Variants in KLF12 observed in about 807,000 individuals in gnomAD.
KLF12 encodes the protein KLF transcription factor 12.
KLF12 carries 9 observed loss-of-function variants against 37.8 expected under a neutral mutation model. The ratio of observed to expected loss-of-function variants is 0.24; its 90% CI spans 0.14 to 0.42. The LOEUF (loss-of-function observed/expected upper bound fraction) is 0.42. Among genes scored for constraint, KLF12 ranks in the 10% least tolerant of loss-of-function variants. KLF12 has a pLI of 1.00. For synonymous variants in KLF12, 208 were observed against 202.1 expected, an observed-to-expected ratio of 1.03 and a Z score of -0.25; for missense variants, 411 against 516.0, an observed-to-expected ratio of 0.80 and a Z score of 1.97.
chr13:73,952,254 T>G (rs538694419), intron 2 of KLF12, among the ~76,000 whole-genome samples: 33 of 152,332 alleles, frequency 2.2e-4, no homozygotes, highest in African/African-American at 7.9e-4. Context: ...GAGGTTTAAC[T>G]GACTCACAGT....
chr13:74,210,221 A>G, the KLF12 span, among the ~76,000 whole-genome samples: 37 of 152,286 alleles, frequency 2.4e-4, no homozygotes, highest in Middle Eastern at 3.4e-3. Flanking sequence ...ATTCTCTAGG[A>G]ATCCAGAAAT....
At chr13:73,902,911 G>T (rs1888102028) in intron 3 of KLF12, among the ~76,000 whole-genome samples, 2 of 152,206 alleles carry the variant, frequency 1.3e-5, no homozygotes, top group South Asian at 4.1e-4. Flanking sequence ...ACATGACCCT[G>T]AGTTATTTGG....
chr13:74,291,227 A>C, the KLF12 span, among the ~76,000 whole-genome samples: 1 of 152,222 alleles, frequency 6.6e-6, no homozygotes, highest in African/African-American at 2.4e-5. Context: ...TTTTCTGAGG[A>C]AATGCCTATA....
At chr13:73,803,464 A>T (rs930703230) in intron 5 of KLF12, among the ~76,000 whole-genome samples, 1 of 152,058 alleles carries the variant, frequency 6.6e-6, no homozygotes, top group African/African-American at 2.4e-5. Flanking sequence ...ATGAAATAGT[A>T]AACCCTGCCT....
the KLF12 span, among the ~76,000 whole-genome samples, chr13:74,200,649 T>A: frequency 1.3e-4 from 20 of 152,106 alleles, no homozygotes; most frequent in African/African-American, 4.8e-4. Context: ...AAAAAGGGGA[T>A]CTCTTCACGT....
intron 3 of KLF12, among the ~76,000 whole-genome samples, chr13:73,878,617 G>C (rs1382064627): frequency 6.6e-6 from 1 of 152,142 alleles, no homozygotes; most frequent in Non-Finnish European, 1.5e-5. Context: ...AGTGACATAA[G>C]ATATAATTTC....
intron 2 of KLF12, chr13:73,962,095 T>C (rs930847634): frequency 6.8e-5 from 30 of 441,408 alleles, no homozygotes; most frequent in African/African-American, 4.7e-4. Context: ...ATTAGGTGAA[T>C]GGATAAACTG....
intron 2 of KLF12, among the ~76,000 whole-genome samples, chr13:73,953,205 A>G (rs1890704910): frequency 6.6e-6 from 1 of 152,192 alleles, no homozygotes; most frequent in Non-Finnish European, 1.5e-5. Flanking sequence ...GCTTACCTAA[A>G]ATCTGTTACA....
the KLF12 span, among the ~76,000 whole-genome samples, chr13:74,207,149 C>A: frequency 1.3e-5 from 2 of 152,196 alleles, no homozygotes; most frequent in Non-Finnish European, 2.9e-5. Context: ...TCATGAGGAA[C>A]CAACTCCTGC....
At chr13:73,948,784 T>C (rs540273535) in intron 2 of KLF12, among the ~76,000 whole-genome samples, 2 of 152,320 alleles carry the variant, frequency 1.3e-5, no homozygotes, top group South Asian at 4.1e-4. Context: ...CCTTTGCTTA[T>C]ATACAAGCAC....
chr13:74,207,854 T>C, the KLF12 span, among the ~76,000 whole-genome samples: 1 of 152,148 alleles, frequency 6.6e-6, no homozygotes, highest in African/African-American at 2.4e-5. Flanking sequence ...ACAAATTACT[T>C]TACCACCTGA....
At chr13:74,123,709 G>C (rs1877770852) in intron 1 of KLF12, among the ~76,000 whole-genome samples, 1 of 152,126 alleles carries the variant, frequency 6.6e-6, no homozygotes, top group Non-Finnish European at 1.5e-5. Flanking sequence ...TATTCACTGG[G>C]CATTTCATAT....
the KLF12 span, among the ~76,000 whole-genome samples, chr13:74,273,448 C>CTT: frequency 2.8e-5 from 4 of 145,312 alleles, no homozygotes; most frequent in South Asian, 2.2e-4. Context: ...TTATATCCAG[C>CTT]TTTTTTTTTT....
At chr13:73,775,833 C>A (rs575401490) in intron 5 of KLF12, among the ~76,000 whole-genome samples, 1 of 152,142 alleles carries the variant, frequency 6.6e-6, no homozygotes, top group African/African-American at 2.4e-5. Flanking sequence ...TAAAAAGAGG[C>A]AAAGTTAAAG....
At chr13:73,711,754 G>A (rs1159918606) in intron 7 of KLF12, among the ~76,000 whole-genome samples, 2 of 152,162 alleles carry the variant, frequency 1.3e-5, no homozygotes, top group Non-Finnish European at 2.9e-5. Flanking sequence ...ACGGATCAAG[G>A]AGTCATTTTG....
intron 6 of KLF12, among the ~76,000 whole-genome samples, chr13:73,764,365 G>T (rs1879766661): frequency 6.6e-6 from 1 of 151,840 alleles, no homozygotes; most frequent in South Asian, 2.1e-4. Context: ...CTAAAGAATC[G>T]ATAAGCTATG....
chr13:73,943,625 AC>A (rs1160894978), intron 3 of KLF12, among the ~76,000 whole-genome samples: 1 of 152,250 alleles, frequency 6.6e-6, no homozygotes, highest in African/African-American at 2.4e-5. Context: ...ATTAGAATCA[AC>A]CAAACTATGA....
In KLF12 at chr13:73,889,279, A is replaced by G. The variant is rs569950329; in HGVS notation, c.124-42906T>C. On this transcript the variant is annotated intron_variant, in intron 3 of 7. Coordinates refer to ENST00000377669, the MANE Select transcript of KLF12 (RefSeq NM_007249.5). The stretch of plus-strand genomic sequence containing the variant: ...TGCATGTATGTATATGTGTATGTGC[A>G]TACATAGCGCCAATCTCCATTTTAT... 3.9e-5 allele frequency among the ~76,000 whole-genome samples: 6 copies of G among 152,364 alleles called. No homozygotes were observed. The South Asian group carries it at 1.2e-3, about 32-fold the overall frequency.
chr13:74,031,205 AG>A (rs1243967822), intron 1 of KLF12, among the ~76,000 whole-genome samples: 1 of 152,114 alleles, frequency 6.6e-6, no homozygotes, highest in Admixed American at 6.6e-5. Flanking sequence ...TCCTTGACTA[AG>A]TCTCCTCTAG....
Sources: gnomAD v4.1 joint callset for allele counts (sites outside exome capture counted in the v4.1 genomes callset) on GRCh38, gnomAD v4.1.1 for gene constraint, MANE v1.5 for transcripts, NCBI Gene and HGNC (gene_info 2026-07-23, HGNC 2026-07-21) for gene names.